SOX6: variants seen among roughly 807,000 people sequenced by gnomAD.
SOX6 encodes the protein SRY-box transcription factor 6.
In SOX6, 11 loss-of-function variants were observed where a neutral mutation model predicts 97.8. That is an observed-to-expected ratio of 0.11 (90% CI 0.07 to 0.19). The LOEUF is 0.19. SOX6 is among the 10% of genes least tolerant of loss of function. The pLI is 1.00. For missense variants in SOX6, 810 were observed against 1,039.5 expected (o/e 0.78, Z 3.04); for synonymous variants, 360 against 371.4 (o/e 0.97, Z 0.35).
intron 4 of SOX6, among the ~76,000 whole-genome samples, chr11:16,575,657 A>C (rs1453674144): frequency 2.0e-5 from 3 of 152,184 alleles, no homozygotes; most frequent in Non-Finnish European, 4.4e-5. Flanking sequence ...ATGCATAAAA[A>C]CGGGCAAAAT....
intron 4 of SOX6, among the ~76,000 whole-genome samples, chr11:16,611,779 G>GA (rs1233516693): frequency 1.3e-5 from 2 of 152,162 alleles, no homozygotes; most frequent in South Asian, 2.1e-4. Flanking sequence ...GACTTTAAGT[G>GA]GACAGAGAAT....
At chr11:16,642,293 C>A (rs550927270) in intron 3 of SOX6, among the ~76,000 whole-genome samples, 1 of 152,258 alleles carries the variant, frequency 6.6e-6, no homozygotes, top group South Asian at 2.1e-4. Flanking sequence ...GTCTGATGGA[C>A]TTCCCTTTGT....
At chr11:16,692,088 T>TGTGTGTGTGC (rs1253258908) in intron 3 of SOX6, among the ~76,000 whole-genome samples, 1 of 144,932 alleles carries the variant, frequency 6.9e-6, no homozygotes, top group South Asian at 2.1e-4. Context: ...TGTGTGTGTG[T>TGTGTGTGTGC]GCGCGCGCGC....
At chr11:16,589,843 T>A (rs1380424432) in intron 4 of SOX6, among the ~76,000 whole-genome samples, 1 of 152,180 alleles carries the variant, frequency 6.6e-6, no homozygotes, top group African/African-American at 2.4e-5. Flanking sequence ...CAACAATGTT[T>A]AAAATCATAC....
intron 3 of SOX6, among the ~76,000 whole-genome samples, chr11:16,281,358 C>T (rs931327418): frequency 2.0e-5 from 3 of 151,908 alleles, no homozygotes; most frequent in South Asian, 2.1e-4. Context: ...AAGAAGTTTT[C>T]GTACATTTAT....
chr11:16,448,714 C>T (rs918664021), intron 1 of SOX6, among the ~76,000 whole-genome samples: 5 of 152,098 alleles, frequency 3.3e-5, no homozygotes, highest in South Asian at 2.1e-4. Context: ...ATGTATCACC[C>T]TATCTCATAC....
chr11:15,993,722 A>G (rs994575232), intron 13 of SOX6, among the ~76,000 whole-genome samples: 8 of 152,238 alleles, frequency 5.3e-5, no homozygotes, highest in Admixed American at 1.3e-4. Context: ...GATTAAAGAT[A>G]GTTAATCTGC....
chr11:15,987,961 T>C (rs1853920624), intron 14 of SOX6, among the ~76,000 whole-genome samples: 1 of 152,202 alleles, frequency 6.6e-6, no homozygotes, highest in Non-Finnish European at 1.5e-5. Flanking sequence ...TGCCTCAAAA[T>C]GCCTCAGAAT....
intron 3 of SOX6, among the ~76,000 whole-genome samples, chr11:16,694,893 C>G (rs1848041919): frequency 6.6e-6 from 1 of 152,126 alleles, no homozygotes; most frequent in African/African-American, 2.4e-5. Flanking sequence ...TCTCATTATT[C>G]CCTAAACAAA....
intron 4 of SOX6, among the ~76,000 whole-genome samples, chr11:16,578,158 T>C (rs960468152): frequency 3.9e-5 from 6 of 152,134 alleles, no homozygotes; most frequent in Non-Finnish European, 7.4e-5. Context: ...CTTGGCACCA[T>C]TTTTTGAAAA....
intron 1 of SOX6, among the ~76,000 whole-genome samples, chr11:16,444,092 A>G (rs1859566194): frequency 6.6e-6 from 1 of 152,042 alleles, no homozygotes; most frequent in African/African-American, 2.4e-5. Flanking sequence ...TTATTACCTA[A>G]TGAGATTTGG....
intron 6 of SOX6, among the ~76,000 whole-genome samples, chr11:16,148,411 T>C (rs1279277384): frequency 6.6e-6 from 1 of 152,154 alleles, no homozygotes; most frequent in Non-Finnish European, 1.5e-5. Flanking sequence ...TGAGTAACTT[T>C]ATTGCAGGCA....
At chr11:16,684,897 G>A (rs761699330) in intron 3 of SOX6, among the ~76,000 whole-genome samples, 7 of 152,150 alleles carry the variant, frequency 4.6e-5, no homozygotes, top group Non-Finnish European at 8.8e-5. Flanking sequence ...CTTCTGGGGA[G>A]GCCCCACGAG....
At chr11:16,453,202 T>A (rs1859753584) in intron 1 of SOX6, among the ~76,000 whole-genome samples, 1 of 152,166 alleles carries the variant, frequency 6.6e-6, no homozygotes, top group Admixed American at 6.5e-5. Context: ...TGCCTTTTTC[T>A]AAAATACCAT....
At chr11:16,183,759 A>C in intron 6 of SOX6, 127 bp downstream of exon 6, 2 of 775,896 alleles carry the variant, frequency 2.6e-6, no homozygotes, top group Non-Finnish European at 4.4e-6. Context: ...ATTGTGCACA[A>C]CATCCTTGAA....
intron 3 of SOX6, among the ~76,000 whole-genome samples, 184 bp from the exon 4 acceptor site, chr11:16,234,855 T>C (rs1396741672): frequency 6.6e-6 from 1 of 151,960 alleles, no homozygotes; most frequent in South Asian, 2.1e-4. Context: ...ACAAAGTTTA[T>C]TTTTACCAGA....
chr11:16,402,055 C>T (rs1310296647), intron 1 of SOX6, among the ~76,000 whole-genome samples: 2 of 151,518 alleles, frequency 1.3e-5, no homozygotes, highest in African/African-American at 4.8e-5. Flanking sequence ...ATACAAGTCA[C>T]TCATTTTGCT....
At chr11:16,519,753 T>C (rs1325186237) in intron 4 of SOX6, among the ~76,000 whole-genome samples, 1 of 152,186 alleles carries the variant, frequency 6.6e-6, no homozygotes, top group East Asian at 1.9e-4. Context: ...ACGGTAGTTT[T>C]ATTTTTAGTT....
intron 3 of SOX6, among the ~76,000 whole-genome samples, chr11:16,271,948 C>T (rs1042016716): frequency 6.7e-6 from 1 of 150,274 alleles, no homozygotes; most frequent in South Asian, 2.1e-4. Flanking sequence ...ATTTATTTTA[C>T]TCTGTAATTT....
Sources: allele counts gnomAD v4.1 joint callset (sites outside exome capture counted in the v4.1 genomes callset), GRCh38; gene constraint gnomAD v4.1.1; transcripts MANE v1.5; gene names NCBI Gene and HGNC (gene_info 2026-07-23, HGNC 2026-07-21).